Variants in BANF2 observed in about 807,000 individuals in gnomAD.
BANF2 encodes barrier-to-autointegration factor-like protein.
Under a neutral mutation model 8.0 loss-of-function variants are expected in BANF2, and 4 were observed. That is an observed-to-expected ratio of 0.50 (90% CI 0.25 to 1.14). The LOEUF (loss-of-function observed/expected upper bound fraction) is 1.14. Ranked by LOEUF, BANF2 falls within the 50% of genes most tolerant of loss-of-function variation. The pLI, the probability that BANF2 is intolerant of heterozygous loss-of-function variation, is 0.16. For missense variants in BANF2, 96 were observed against 107.5 expected (o/e 0.89, Z 0.47); for synonymous variants, 50 against 40.6 (o/e 1.23, Z -0.88).
intron 3 of BANF2, among the ~76,000 whole-genome samples, chr20:17,734,801 C>T (rs757113389): frequency 7.2e-5 from 11 of 152,132 alleles, no homozygotes; most frequent in African/African-American, 1.9e-4. Flanking sequence ...TTAGAAACCC[C>T]GTGCTATGGG....
chr20:17,698,995 C>A (rs567518530), upstream of BANF2, among the ~76,000 whole-genome samples: 30 of 152,120 alleles, frequency 2.0e-4, no homozygotes, highest in Non-Finnish European at 3.2e-4. Flanking sequence ...GCAGCCTCAA[C>A]GTCATGTGGG....
intron 1 of BANF2, among the ~76,000 whole-genome samples, chr20:17,710,510 A>G (rs4813278): frequency 0.17 from 26,109 of 152,196 alleles, 2,835 homozygotes; most frequent in East Asian, 0.42. Context: ...CTCAGCCACC[A>G]TGAGCCCCCT....
At chr20:17,721,644 G>A (rs1056268304) in intron 1 of BANF2, among the ~76,000 whole-genome samples, 2 of 151,944 alleles carry the variant, frequency 1.3e-5, no homozygotes, top group African/African-American at 4.8e-5. Context: ...TGCCTGCCTC[G>A]GCCTCCCAAA....
At chr20:17,710,227 T>TG (rs1249877588) in intron 1 of BANF2, among the ~76,000 whole-genome samples, 5 of 152,024 alleles carry the variant, frequency 3.3e-5, no homozygotes, top group Admixed American at 1.3e-4. Flanking sequence ...CCATGAGCCC[T>TG]GGGGGGGACA....
At chr20:17,727,392 G>T (rs1274200574) in intron 3 of BANF2, among the ~76,000 whole-genome samples, 2 of 152,224 alleles carry the variant, frequency 1.3e-5, no homozygotes, top group South Asian at 2.1e-4. Flanking sequence ...GGGCTCCGAG[G>T]AGCAGTGCCT....
At chr20:17,707,733 C>T (rs1294670551) in intron 1 of BANF2, among the ~76,000 whole-genome samples, 2 of 151,914 alleles carry the variant, frequency 1.3e-5, no homozygotes, top group African/African-American at 2.4e-5. Flanking sequence ...GCATGTGCCA[C>T]CACACCCGGC....
intron 1 of BANF2, among the ~76,000 whole-genome samples, chr20:17,713,743 G>A (rs2037610409): frequency 6.6e-6 from 1 of 152,078 alleles, no homozygotes; most frequent in East Asian, 1.9e-4. Flanking sequence ...GCTGAAGCAA[G>A]AGGATTGCTT....
chr20:17,717,635 A>G (rs1046992567), intron 1 of BANF2, among the ~76,000 whole-genome samples: 12 of 152,338 alleles, frequency 7.9e-5, no homozygotes, highest in Middle Eastern at 3.4e-3. Flanking sequence ...TCTTTTTATC[A>G]TAAAGGTAGA....
intron 1 of BANF2, among the ~76,000 whole-genome samples, chr20:17,708,652 T>C (rs2037523464): frequency 6.6e-6 from 1 of 152,184 alleles, no homozygotes; most frequent in Non-Finnish European, 1.5e-5. Flanking sequence ...CTTCACTGCT[T>C]TATTTTTTTA....
chr20:17,703,594 G>T (rs1215795883), intron 1 of BANF2, among the ~76,000 whole-genome samples: 1 of 152,184 alleles, frequency 6.6e-6, no homozygotes, highest in Admixed American at 6.5e-5. Flanking sequence ...GTCACTGAGG[G>T]TCACTCAGCT....
chr20:17,704,420 T>C (rs907807807), intron 1 of BANF2, among the ~76,000 whole-genome samples: 1 of 152,216 alleles, frequency 6.6e-6, no homozygotes, highest in Non-Finnish European at 1.5e-5. Flanking sequence ...TGTATTAGAA[T>C]GCATCCTATC....
At chr20:17,697,434 C>T (rs965405395), upstream of BANF2, among the ~76,000 whole-genome samples, 1 of 152,200 alleles carries the variant, frequency 6.6e-6, no homozygotes, top group Admixed American at 6.5e-5. Context: ...CAAAGGCCAA[C>T]CAGCAGAACA....
At chr20:17,694,353 T>C (rs1600206361) in intron 1 of BANF2, among the ~76,000 whole-genome samples, 1 of 152,114 alleles carries the variant, frequency 6.6e-6, no homozygotes. Flanking sequence ...GAACCAGCTG[T>C]TGAAGATGTG....
intron 3 of BANF2, among the ~76,000 whole-genome samples, chr20:17,729,267 G>A (rs1257587782): frequency 2.0e-5 from 3 of 152,032 alleles, no homozygotes; most frequent in Non-Finnish European, 4.4e-5. Context: ...GACTATCCTC[G>A]AACCACCCTC....
chr20:17,730,479 C>T (rs932744224), intron 3 of BANF2, among the ~76,000 whole-genome samples: 1 of 152,146 alleles, frequency 6.6e-6, no homozygotes, highest in East Asian at 1.9e-4. Context: ...TTGCTCTGCT[C>T]TCTCTCGCCC....
At chr20:17,712,831 C>T (rs1435375649) in intron 1 of BANF2, among the ~76,000 whole-genome samples, 2 of 152,068 alleles carry the variant, frequency 1.3e-5, no homozygotes, top group African/African-American at 4.8e-5. Context: ...TTACAGTGCC[C>T]CTACGTTTAT....
intron 1 of BANF2, 139 bp from the exon 2 acceptor site, chr20:17,722,577 T>C (rs2037747751): frequency 3.5e-6 from 1 of 288,066 alleles, no homozygotes; most frequent in Non-Finnish European, 5.2e-6. Flanking sequence ...ACGAAACATA[T>C]TTTCACAGAT....
chr20:17,713,646 C>A lies in BANF2; in HGVS notation c.-166-9070C>A, dbSNP rs1053495837. Among the ~76,000 whole-genome samples, 7 of 151,960 alleles carry A rather than the reference C, an allele frequency of 4.6e-5. No individual in the cohort carries two copies. In the South Asian group the frequency reaches 1.2e-3, roughly 27 times the overall value. ...GCCAGGAGTTTGAGACCAGCCTGGGCAACATAGCAAGACCTCATCTTTACA... is the reference window on the plus strand; with the variant it reads ...GCCAGGAGTTTGAGACCAGCCTGGGAAACATAGCAAGACCTCATCTTTACA... On this transcript the variant is annotated intron_variant, in intron 1 of 3. Coordinates refer to ENST00000246090, the MANE Select transcript of BANF2 (RefSeq NM_178477.5).
At chr20:17,728,100 T>C (rs1401160269) in intron 3 of BANF2, among the ~76,000 whole-genome samples, 1 of 152,192 alleles carries the variant, frequency 6.6e-6, no homozygotes, top group Non-Finnish European at 1.5e-5. Context: ...GAGCCTCACG[T>C]GACCTCCTGT....
Sources: gnomAD v4.1 joint callset for allele counts (sites outside exome capture counted in the v4.1 genomes callset) on GRCh38, gnomAD v4.1.1 for gene constraint, MANE v1.5 for transcripts, NCBI Gene and HGNC (gene_info 2026-07-23, HGNC 2026-07-21) for gene names.